SIPA1L1: variants seen among roughly 807,000 people sequenced by gnomAD.
SIPA1L1 encodes signal-induced proliferation-associated 1-like protein 1.
A neutral mutation model predicts 162.7 loss-of-function variants in SIPA1L1; 26 were observed. That is an observed-to-expected ratio of 0.16 (90% CI 0.12 to 0.22). SIPA1L1 has a LOEUF of 0.22. Ranked by LOEUF, SIPA1L1 falls within the 10% of genes least tolerant of loss-of-function variation. The pLI, the probability that SIPA1L1 is intolerant of heterozygous loss-of-function variation, is 1.00. For missense variants in SIPA1L1, 1,874 were observed against 2,241.0 expected (o/e 0.84, Z 3.31); for synonymous variants, 829 against 837.4 (o/e 0.99, Z 0.17).
chr14:71,723,632 C>T lies in SIPA1L1; in HGVS notation c.4209-15C>T, dbSNP rs572012555. ...GATCCTGAGATACACATGTCTTTGC[C>T]CTGCTTCTCCTCAGTACCATGAGCT... On this transcript the variant is annotated splice_polypyrimidine_tract_variant and intron_variant, in intron 17 of 23. Coordinates refer to ENST00000381232, the MANE Select transcript of SIPA1L1 (RefSeq NM_001386936.1). 6.2e-7 allele frequency: 1 copy of T among 1,613,726 alleles called. No homozygotes were observed. Among genetic ancestry groups the T allele is most frequent in the African/African-American group, 1.3e-5 (1 of 75,044 alleles).
chr14:71,685,757 T>TA (rs1306820970), intron 13 of SIPA1L1, 126 bp downstream of exon 13: 1 of 1,200,538 alleles, frequency 8.3e-7, no homozygotes, highest in African/African-American at 1.5e-5. Context: ...CTGAGGTGCA[T>TA]ACCGTAGTGA....
intron 2 of SIPA1L1, among the ~76,000 whole-genome samples, chr14:71,328,141 G>A (rs2034055146): frequency 6.6e-6 from 1 of 152,110 alleles, no homozygotes; most frequent in Admixed American, 6.5e-5. Context: ...TTTGTAACAG[G>A]AAGCAAGGTA....
Position 71,376,883 on chromosome 14 carries a change from AG to A in SIPA1L1, c.-465+55703del, listed in dbSNP as rs1482522666. 2.0e-5 allele frequency among the ~76,000 whole-genome samples: 3 copies of A among 152,224 alleles called. No homozygotes were observed. The East Asian group carries it at 5.8e-4, about 29-fold the overall frequency. Reference sequence around the variant, plus strand: ...TTATAGATTAACAGCATCCCAAGGCAGAGAAATTTTTCTTAGTACAGAACAA... The same window carrying A: ...TTATAGATTAACAGCATCCCAAGGCAAGAAATTTTTCTTAGTACAGAACAA... On this transcript the variant is annotated intron_variant, in intron 2 of 23. Coordinates refer to ENST00000381232, the MANE Select transcript of SIPA1L1 (RefSeq NM_001386936.1).
chr14:71,497,929 G>C (rs961976494), intron 2 of SIPA1L1: 1 of 152,216 alleles, frequency 6.6e-6, no homozygotes, highest in African/African-American at 2.4e-5. Flanking sequence ...ACTTTCACGA[G>C]TGACTGTATC....
chr14:71,678,368 C>T lies in SIPA1L1; in HGVS notation c.3104+5746C>T, dbSNP rs181919832. ...AGCATGAAGGGCTGTTGAATTTTGT[C>T]AGAGGCCTTTTCTGCATCTATTGAG... On this transcript the variant is annotated intron_variant, in intron 12 of 23. Transcript: ENST00000381232. 3.4e-3 allele frequency among the ~76,000 whole-genome samples: 525 copies of T among 152,276 alleles called. 4 individuals are homozygous for T. Among genetic ancestry groups the T allele is most frequent in the African/African-American group, 0.012 (500 of 41,544 alleles).
intron 4 of SIPA1L1, among the ~76,000 whole-genome samples, chr14:71,569,779 G>C (rs1208962417): frequency 1.3e-5 from 2 of 152,190 alleles, no homozygotes; most frequent in Non-Finnish European, 2.9e-5. Context: ...TGGATGTCTG[G>C]CTTGACATTG....
chr14:71,387,012 G>A (rs1220962103), intron 2 of SIPA1L1, among the ~76,000 whole-genome samples: 1 of 152,140 alleles, frequency 6.6e-6, no homozygotes, highest in Admixed American at 6.5e-5. Flanking sequence ...ACTTTGGGAG[G>A]CCAAGGCAGG....
intron 5 of SIPA1L1, among the ~76,000 whole-genome samples, chr14:71,594,993 T>C (rs1463320434): frequency 2.6e-5 from 4 of 152,188 alleles, no homozygotes; most frequent in African/African-American, 9.7e-5. Flanking sequence ...TTTTCTTCAC[T>C]GTGATCTCAA....
intron 5 of SIPA1L1, among the ~76,000 whole-genome samples, chr14:71,597,146 A>AT (rs1171783579): frequency 1.3e-5 from 2 of 150,522 alleles, no homozygotes; most frequent in East Asian, 2.0e-4. Flanking sequence ...ATTTTTTTAG[A>AT]TTTTTTTTGT....
At chr14:71,556,050 G>A (rs1011741106) in intron 4 of SIPA1L1, among the ~76,000 whole-genome samples, 1 of 152,146 alleles carries the variant, frequency 6.6e-6, no homozygotes, top group Admixed American at 6.5e-5. Flanking sequence ...CATGCTGTTG[G>A]AAAAATAGCA....
chr14:71,431,856 G>T (rs1277631270), intron 2 of SIPA1L1, among the ~76,000 whole-genome samples: 2 of 152,056 alleles, frequency 1.3e-5, no homozygotes, highest in Non-Finnish European at 2.9e-5. Flanking sequence ...TGGAGAAAAG[G>T]CATGCAAATT....
intron 4 of SIPA1L1, among the ~76,000 whole-genome samples, chr14:71,570,449 G>A (rs935489662): frequency 6.6e-6 from 1 of 151,926 alleles, no homozygotes; most frequent in Admixed American, 6.6e-5. Context: ...AAGTTTTGTA[G>A]TGATAGAGTT....
intron 2 of SIPA1L1, among the ~76,000 whole-genome samples, chr14:71,426,284 GT>G (rs1289604526): frequency 2.0e-5 from 3 of 151,798 alleles, no homozygotes; most frequent in African/African-American, 7.2e-5. Context: ...GTTGCTATTT[GT>G]TTTCTACATG....
At chr14:71,541,374 A>C (rs1283106668) in intron 4 of SIPA1L1, among the ~76,000 whole-genome samples, 2 of 152,350 alleles carry the variant, frequency 1.3e-5, no homozygotes, top group East Asian at 3.9e-4. Context: ...TAAGTAAATA[A>C]AGACCCAAAT....
intron 2 of SIPA1L1, among the ~76,000 whole-genome samples, chr14:71,459,121 T>G (rs1416600696): frequency 6.6e-6 from 1 of 151,870 alleles, no homozygotes; most frequent in Non-Finnish European, 1.5e-5. Context: ...TTGATACACA[T>G]TTTAGGAAGG....
chr14:71,691,914 G>A (rs1395537514), intron 13 of SIPA1L1, among the ~76,000 whole-genome samples: 1 of 152,178 alleles, frequency 6.6e-6, no homozygotes, highest in African/African-American at 2.4e-5. Flanking sequence ...TCGCTTTAAT[G>A]TTATTTGTCC....
intron 2 of SIPA1L1, among the ~76,000 whole-genome samples, chr14:71,397,653 TC>T (rs2041316750): frequency 6.6e-6 from 1 of 152,184 alleles, no homozygotes; most frequent in Admixed American, 6.6e-5. Flanking sequence ...CTTCATGGAA[TC>T]CTTCCAGCCT....
intron 2 of SIPA1L1, among the ~76,000 whole-genome samples, chr14:71,387,160 A>C (rs1466469407): frequency 1.4e-5 from 2 of 142,172 alleles, no homozygotes; most frequent in Non-Finnish European, 3.0e-5. Context: ...AGGCAGAAGA[A>C]TTGCGTGAAT....
At chr14:71,507,448 A>C (rs930019813) in intron 2 of SIPA1L1, among the ~76,000 whole-genome samples, 2 of 152,202 alleles carry the variant, frequency 1.3e-5, no homozygotes, top group Non-Finnish European at 2.9e-5. Context: ...AACCTTAATC[A>C]ATTGATGTGT....
Sources: allele counts gnomAD v4.1 joint callset (sites outside exome capture counted in the v4.1 genomes callset), GRCh38; gene constraint gnomAD v4.1.1; transcripts MANE v1.5; gene names NCBI Gene and HGNC (gene_info 2026-07-23, HGNC 2026-07-21).